KAZN: variants seen among roughly 807,000 people sequenced by gnomAD.
KAZN encodes the protein kazrin, periplakin interacting protein, also known as kazrin.
A neutral mutation model predicts 87.4 loss-of-function variants in KAZN; 40 were observed. The ratio of observed to expected loss-of-function variants is 0.46; its 90% CI spans 0.36 to 0.60. The LOEUF is 0.60. Ranked by LOEUF, KAZN falls within the 20% of genes least tolerant of loss-of-function variation. The pLI is 0.00. For missense variants in KAZN, 898 were observed against 1,073.9 expected (o/e 0.84, Z 2.29); for synonymous variants, 466 against 458.3 (o/e 1.02, Z -0.22).
intron 2 of KAZN, among the ~76,000 whole-genome samples, chr1:14,229,884 C>T (rs915415572): frequency 6.6e-6 from 1 of 152,278 alleles, no homozygotes; most frequent in Admixed American, 6.5e-5. Context: ...TTTGGTCCAG[C>T]AACCTGCCTC....
chr1:14,042,345 C>T (rs757548842), intron 1 of KAZN, among the ~76,000 whole-genome samples: 1 of 152,136 alleles, frequency 6.6e-6, no homozygotes, highest in Non-Finnish European at 1.5e-5. Flanking sequence ...TGCTGGGTTA[C>T]AGGAGGGCAA....
intron 1 of KAZN, among the ~76,000 whole-genome samples, chr1:14,826,372 G>C (rs1269167052): frequency 6.6e-6 from 1 of 152,244 alleles, no homozygotes. Flanking sequence ...GGATTTTTGT[G>C]TTGTAGAGTT....
At chr1:14,255,701 C>T (rs1248050308) in intron 2 of KAZN, among the ~76,000 whole-genome samples, 3 of 152,232 alleles carry the variant, frequency 2.0e-5, no homozygotes, top group African/African-American at 7.2e-5. Context: ...CTGTCTGACA[C>T]TGGGCTAACC....
chr1:14,373,902 C>T (rs371013640), intron 2 of KAZN, among the ~76,000 whole-genome samples: 2 of 152,152 alleles, frequency 1.3e-5, no homozygotes, highest in East Asian at 1.9e-4. Context: ...GTTACTTAAA[C>T]GGATCTTACA....
At chr1:14,514,574 TTTTA>T (rs1330884968) in intron 2 of KAZN, among the ~76,000 whole-genome samples, 1 of 124,846 alleles carries the variant, frequency 8.0e-6, no homozygotes, top group Non-Finnish European at 1.6e-5. Flanking sequence ...TTTCTATATA[TTTTA>T]TATATTTTTT....
At chr1:14,641,990 T>G (rs564454057) in intron 1 of KAZN, among the ~76,000 whole-genome samples, 31 of 152,302 alleles carry the variant, frequency 2.0e-4, no homozygotes, top group African/African-American at 7.2e-4. Context: ...AAGTCCATTT[T>G]AAAAATTGGC....
chr1:13,973,786 A>C (rs542076089), intron 1 of KAZN, among the ~76,000 whole-genome samples: 1 of 152,346 alleles, frequency 6.6e-6, no homozygotes, highest in African/African-American at 2.4e-5. Flanking sequence ...CACCAGCCCT[A>C]TCACAAATGG....
At position 14,067,191 on chromosome 1, in the gene KAZN, C is replaced by T. The variant is rs577517406; in HGVS notation, c.92-113244C>T. ...ACAGGGACCTTGTCTGTCTTGCCAA[C>T]GGCTGTCTCCCCATAGCCTAGCACA... is the stretch of plus-strand genomic sequence containing the variant. On this transcript the variant is annotated intron_variant, in intron 1 of 16. Transcript: ENST00000636203. 4.6e-5 allele frequency among the ~76,000 whole-genome samples: 7 copies of T among 152,274 alleles called. No individual in the cohort carries two copies. In the East Asian group the frequency reaches 5.8e-4, roughly 13 times the overall value.
At chr1:15,009,719 A>AT (rs1307574640) in intron 2 of KAZN, among the ~76,000 whole-genome samples, 1 of 152,210 alleles carries the variant, frequency 6.6e-6, no homozygotes, top group African/African-American at 2.4e-5. Context: ...CCTTGGTGGC[A>AT]TTTTTTATTA....
At chr1:13,944,003 T>C (rs1557736680) in intron 1 of KAZN, among the ~76,000 whole-genome samples, 1 of 152,054 alleles carries the variant, frequency 6.6e-6, no homozygotes, top group Non-Finnish European at 1.5e-5. Context: ...AAAACTATCA[T>C]AGCAATTCCA....
intron 1 of KAZN, among the ~76,000 whole-genome samples, chr1:14,860,457 G>C (rs1650706743): frequency 6.6e-6 from 1 of 152,188 alleles, no homozygotes; most frequent in African/African-American, 2.4e-5. Flanking sequence ...CTCCAAAACT[G>C]CTGGGATTAT....
At chr1:14,906,108 A>G (rs12131173) in intron 1 of KAZN, among the ~76,000 whole-genome samples, 77,510 of 150,766 alleles carry the variant, frequency 0.51, 22,543 homozygotes, top group Non-Finnish European at 0.63. Context: ...CGGGGCTTGC[A>G]GTGAGCCAAG....
At chr1:14,418,326 C>G (rs184313682) in intron 2 of KAZN, among the ~76,000 whole-genome samples, 37 of 152,296 alleles carry the variant, frequency 2.4e-4, no homozygotes, top group African/African-American at 8.7e-4. Flanking sequence ...AGGAAAGTCT[C>G]AAGCCATGCC....
intron 2 of KAZN, among the ~76,000 whole-genome samples, chr1:14,562,816 AT>A (rs1674334684): frequency 6.6e-6 from 1 of 152,198 alleles, no homozygotes; most frequent in South Asian, 2.1e-4. Flanking sequence ...CTTCCCACAC[AT>A]CCACATGGCA....
At chr1:14,461,754 C>T in intron 2 of KAZN, among the ~76,000 whole-genome samples, 1 of 151,968 alleles carries the variant, frequency 6.6e-6, no homozygotes, top group Non-Finnish European at 1.5e-5. Flanking sequence ...TTCACCTTGC[C>T]CTAGAAGTCA....
At chr1:14,217,791 C>T (rs1646991372) in intron 2 of KAZN, among the ~76,000 whole-genome samples, 1 of 151,994 alleles carries the variant, frequency 6.6e-6, no homozygotes, top group African/African-American at 2.4e-5. Flanking sequence ...TTTAGGCATC[C>T]AGGCAAAAAG....
rs114151080 is a variant in KAZN at position 14,262,604 on chromosome 1, G to A, written c.249+82012G>A. Among the ~76,000 whole-genome samples, 976 of 152,250 alleles carry A rather than the reference G, an allele frequency of 6.4e-3. 11 individuals carry two copies. The highest frequency in any genetic ancestry group is 0.021 in the African/African-American group (889 of 41,536). On this transcript the variant is annotated intron_variant, in intron 2 of 16. Coordinates refer to the KAZN transcript ENST00000636203. ...GGGTCACCTGCCTTGAACACTGTCC[G>A]ATGTCATTTAATACTGGAAGGACCC...
In KAZN at chr1:14,883,344, A is replaced by AGAGAGAGAGAGAGAGAGAG. The variant is rs1557586164; in HGVS notation, c.227-77340_227-77339insGAGAGAGAGAGAGAGAGAG. ...AGAGAGAGAGAGAGAGAGAGAGAGA[A>AGAGAGAGAGAGAGAGAGAG]AGAAAGAAAGAAAAGAAAGAAAGAA... is the stretch of plus-strand genomic sequence containing the variant. On this transcript the variant is annotated intron_variant, in intron 1 of 14. Coordinates refer to ENST00000376030, the MANE Select transcript of KAZN (RefSeq NM_201628.3). Among the ~76,000 whole-genome samples the AGAGAGAGAGAGAGAGAGAG allele has an allele frequency of 4.4e-3, 131 of 29,672 alleles. 23 individuals carry two copies. Among genetic ancestry groups the AGAGAGAGAGAGAGAGAGAG allele is most frequent in the Admixed American group, 9.6e-3 (19 of 1,974 alleles). The allele number at this position is 29,672 out of a possible 152,430, so 19.5% of individuals were successfully genotyped here.
chr1:14,570,926 C>T (rs1674824779), intron 2 of KAZN, among the ~76,000 whole-genome samples: 1 of 152,172 alleles, frequency 6.6e-6, no homozygotes. Context: ...TTACTTACTC[C>T]TGACCTCTGA....
Sources: gnomAD v4.1 joint callset for allele counts (sites outside exome capture counted in the v4.1 genomes callset) on GRCh38, gnomAD v4.1.1 for gene constraint, MANE v1.5 for transcripts, NCBI Gene and HGNC (gene_info 2026-07-23, HGNC 2026-07-21) for gene names.